TAFA5: variants seen among roughly 807,000 people sequenced by gnomAD.
TAFA5 encodes the protein chemokine-like protein TAFA-5.
A neutral mutation model predicts 15.3 loss-of-function variants in TAFA5; 6 were observed. That is an observed-to-expected ratio of 0.39 (90% CI 0.21 to 0.77). TAFA5 has a LOEUF of 0.77. Ranked by LOEUF, TAFA5 falls within the 30% of genes least tolerant of loss-of-function variation. The pLI, the probability that TAFA5 is intolerant of heterozygous loss-of-function variation, is 0.41. For missense variants in TAFA5, 161 were observed against 193.1 expected (o/e 0.83, Z 0.98); for synonymous variants, 103 against 80.7 (o/e 1.28, Z -1.48).
At chr22:48,704,343 G>A (rs564827047) in intron 2 of TAFA5, among the ~76,000 whole-genome samples, 1 of 152,296 alleles carries the variant, frequency 6.6e-6, no homozygotes, top group South Asian at 2.1e-4. Flanking sequence ...GTTTGTGGGT[G>A]TCTGAGATTT....
intron 2 of TAFA5, among the ~76,000 whole-genome samples, chr22:48,675,316 G>A (rs1366720968): frequency 6.6e-6 from 1 of 152,256 alleles, no homozygotes; most frequent in South Asian, 2.1e-4. Flanking sequence ...GGACTCAGGA[G>A]GCTTCCTGTG....
At chr22:48,625,595 G>A (rs1459294444) in intron 1 of TAFA5, among the ~76,000 whole-genome samples, 1 of 152,186 alleles carries the variant, frequency 6.6e-6, no homozygotes, top group Non-Finnish European at 1.5e-5. Flanking sequence ...TCACACCGGG[G>A]AGCTCCTTTT....
At chr22:48,663,311 A>AG (rs1927508278) in intron 2 of TAFA5, among the ~76,000 whole-genome samples, 1 of 151,102 alleles carries the variant, frequency 6.6e-6, no homozygotes, top group Non-Finnish European at 1.5e-5. Flanking sequence ...GAGTGGGCTG[A>AG]GGGGCCACAT....
At chr22:48,496,555 G>A (rs114821678) in intron 1 of TAFA5, among the ~76,000 whole-genome samples, 1 of 152,302 alleles carries the variant, frequency 6.6e-6, no homozygotes, top group African/African-American at 2.4e-5. Context: ...AGTCAGGGAC[G>A]CCTGACCAGC....
chr22:48,652,678 C>T (rs147756957), intron 2 of TAFA5, among the ~76,000 whole-genome samples: 258 of 152,306 alleles, frequency 1.7e-3, no homozygotes, highest in South Asian at 3.5e-3. Flanking sequence ...CGTGGAGCAC[C>T]GGCTTTGCTC....
intron 1 of TAFA5, among the ~76,000 whole-genome samples, chr22:48,516,972 A>G (rs376221741): frequency 1.3e-3 from 193 of 152,342 alleles, no homozygotes; most frequent in African/African-American, 4.3e-3. Context: ...TAAAATTCAC[A>G]TAACAAAATC....
intron 1 of TAFA5, among the ~76,000 whole-genome samples, chr22:48,601,413 G>A (rs1236985762): frequency 1.3e-5 from 2 of 151,962 alleles, no homozygotes. Flanking sequence ...CGCAACCTCT[G>A]CCTCCCAGGC....
At chr22:48,648,831 A>AAACAAAC (rs1569063537) in intron 2 of TAFA5, among the ~76,000 whole-genome samples, 1 of 151,734 alleles carries the variant, frequency 6.6e-6, no homozygotes, top group African/African-American at 2.4e-5. Flanking sequence ...CTGTCTCAAA[A>AAACAAAC]AAACAAACAA....
chr22:48,493,735 C>G (rs9680744), intron 1 of TAFA5, among the ~76,000 whole-genome samples: 67,689 of 152,066 alleles, frequency 0.45, 17,071 homozygotes, highest in African/African-American at 0.69. Context: ...GACATCCATG[C>G]CCTAGGCTCA....
intron 1 of TAFA5, among the ~76,000 whole-genome samples, chr22:48,583,675 TCACATCA>T (rs369034634): frequency 1.7e-4 from 24 of 142,974 alleles, no homozygotes; most frequent in South Asian, 4.5e-4. Context: ...CACACATGCC[TCACATCA>T]CACACAAAAT....
intron 1 of TAFA5, among the ~76,000 whole-genome samples, chr22:48,611,458 C>T (rs996027029): frequency 1.3e-5 from 2 of 152,232 alleles, no homozygotes; most frequent in East Asian, 1.9e-4. Context: ...CCCTGGAAAT[C>T]TCCTTCCTTC....
At chr22:48,669,409 G>A (rs751090012) in intron 2 of TAFA5, among the ~76,000 whole-genome samples, 12 of 152,186 alleles carry the variant, frequency 7.9e-5, no homozygotes, top group African/African-American at 1.7e-4. Context: ...AGCCCACTGC[G>A]CCCATGCAGT....
Position 48,508,315 on chromosome 22 carries a change from G to A in TAFA5, c.112+18611G>A, listed in dbSNP as rs528800105. 6.0e-4 allele frequency among the ~76,000 whole-genome samples: 91 copies of A among 152,326 alleles called. No individual in the cohort carries two copies. The Middle Eastern group carries it at 0.01, about 17-fold the overall frequency. On this transcript the variant is annotated intron_variant, in intron 1 of 3. Transcript: ENST00000402357. ...TAGAGAGTAGGCGGGGGTGCAGCCA[G>A]TCCCCTCCAGGGCTGCCGCCCCCCC... is the stretch of plus-strand genomic sequence containing the variant.
chr22:48,665,205 T>C (rs940655569), intron 2 of TAFA5, among the ~76,000 whole-genome samples: 2 of 152,174 alleles, frequency 1.3e-5, no homozygotes, highest in African/African-American at 2.4e-5. Flanking sequence ...AGTGGCCCAA[T>C]AGCTGCTTTT....
At chr22:48,723,399 C>T (rs1929626642) in intron 3 of TAFA5, among the ~76,000 whole-genome samples, 1 of 152,100 alleles carries the variant, frequency 6.6e-6, no homozygotes, top group Admixed American at 6.6e-5. Flanking sequence ...TTGGATGACA[C>T]CTCTACCCCG....
intron 1 of TAFA5, among the ~76,000 whole-genome samples, chr22:48,556,319 G>A (rs991987232): frequency 5.9e-5 from 9 of 152,178 alleles, no homozygotes; most frequent in African/African-American, 9.7e-5. Context: ...GCCAAGCTCC[G>A]GGGACCTAGT....
At chr22:48,544,636 C>T (rs1444954026) in intron 1 of TAFA5, 1 of 462,628 alleles carries the variant, frequency 2.2e-6, no homozygotes, top group Non-Finnish European at 4.5e-6. Context: ...CATTTCCACC[C>T]CCCTTCTTAA....
At chr22:48,601,162 T>A (rs1217928098) in intron 1 of TAFA5, among the ~76,000 whole-genome samples, 1 of 152,234 alleles carries the variant, frequency 6.6e-6, no homozygotes, top group Non-Finnish European at 1.5e-5. Flanking sequence ...TGTCATAGGT[T>A]TGTATGTAGA....
In TAFA5 at chr22:48,507,192, C is replaced by T. The variant is rs1037199946; in HGVS notation, c.112+17488C>T. 6.9e-4 allele frequency among the ~76,000 whole-genome samples: 69 copies of T among 99,316 alleles called. 2 individuals are homozygous for T. Among genetic ancestry groups the T allele is most frequent in the African/African-American group, 2.3e-3 (43 of 18,490 alleles). 65.2% of individuals were successfully genotyped at this position (99,316 alleles called of 152,430 possible). ...CCAGGTGTGTAGTTGGAGAAGGAGA[C>T]GGCCGCCAAGGGCCAGGTGTGCAGT... On this transcript the variant is annotated intron_variant, in intron 1 of 3. Coordinates refer to ENST00000402357, the MANE Select transcript of TAFA5 (RefSeq NM_001082967.3).
Sources: gnomAD v4.1 joint callset for allele counts (sites outside exome capture counted in the v4.1 genomes callset) on GRCh38, gnomAD v4.1.1 for gene constraint, MANE v1.5 for transcripts, NCBI Gene and HGNC (gene_info 2026-07-23, HGNC 2026-07-21) for gene names.